RFTN1: variants seen among roughly 807,000 people sequenced by gnomAD.
The protein encoded by RFTN1 is raftlin, lipid raft linker 1.
Under a neutral mutation model 46.5 loss-of-function variants are expected in RFTN1, and 26 were observed. The ratio of observed to expected loss-of-function variants is 0.56; its 90% CI spans 0.41 to 0.78. RFTN1 has a LOEUF of 0.78. RFTN1 is among the 30% of genes least tolerant of loss of function. The probability of loss-of-function intolerance (pLI) is 0.00; values close to 1 mark genes in which losing one functional copy is unlikely to be tolerated. For synonymous variants in RFTN1, 261 were observed against 284.2 expected, an observed-to-expected ratio of 0.92 and a Z score of 0.82; for missense variants, 693 against 718.7, an observed-to-expected ratio of 0.96 and a Z score of 0.41.
At chr3:16,501,976 T>C (rs1045421458) in intron 1 of RFTN1, among the ~76,000 whole-genome samples, 3 of 152,240 alleles carry the variant, frequency 2.0e-5, no homozygotes, top group Non-Finnish European at 4.4e-5. Flanking sequence ...TGTATTTGTT[T>C]ATAAAATCCA....
chr3:16,414,309 AAG>A (rs1553588843), intron 3 of RFTN1, among the ~76,000 whole-genome samples: 2 of 149,490 alleles, frequency 1.3e-5, no homozygotes, highest in African/African-American at 5.1e-5. Flanking sequence ...AAAAAAAAAA[AAG>A]AAAGAAAGAA....
At chr3:16,454,111 A>G (rs529666341) in intron 2 of RFTN1, among the ~76,000 whole-genome samples, 2 of 152,342 alleles carry the variant, frequency 1.3e-5, no homozygotes, top group East Asian at 3.9e-4. Flanking sequence ...CTGCCACTGT[A>G]ACCAGGTCTC....
chr3:16,331,293 T>C (rs1007722043), intron 7 of RFTN1, among the ~76,000 whole-genome samples: 3 of 152,240 alleles, frequency 2.0e-5, no homozygotes, highest in Non-Finnish European at 2.9e-5. Context: ...ATTTTACTTA[T>C]CAGTTTTAGG....
At chr3:16,401,701 G>A (rs1361288168) in intron 4 of RFTN1, among the ~76,000 whole-genome samples, 7 of 152,208 alleles carry the variant, frequency 4.6e-5, no homozygotes, top group Non-Finnish European at 7.3e-5. Flanking sequence ...CACAGATAGC[G>A]TGAGACAAAC....
intron 5 of RFTN1, among the ~76,000 whole-genome samples, chr3:16,373,320 CCCT>C (rs1306115148): frequency 2.6e-5 from 4 of 152,208 alleles, no homozygotes; most frequent in Non-Finnish European, 5.9e-5. Context: ...TCATTTAGAT[CCCT>C]CCTGTTACAC....
chr3:16,330,602 T>C (rs1328842336), intron 7 of RFTN1, among the ~76,000 whole-genome samples: 1 of 152,226 alleles, frequency 6.6e-6, no homozygotes, highest in Non-Finnish European at 1.5e-5. Flanking sequence ...CTCTCCACTC[T>C]CCTGTGGTGG....
intron 3 of RFTN1, among the ~76,000 whole-genome samples, chr3:16,417,561 A>C (rs12492816): frequency 0.074 from 11,204 of 152,212 alleles, 541 homozygotes; most frequent in Middle Eastern, 0.14. Flanking sequence ...ACTCATACAC[A>C]AACATCAACT....
intron 1 of RFTN1, among the ~76,000 whole-genome samples, chr3:16,511,633 C>A (rs1174429876): frequency 6.6e-6 from 1 of 152,086 alleles, no homozygotes; most frequent in Non-Finnish European, 1.5e-5. Flanking sequence ...GCCATGGGAC[C>A]ACATAGTTTC....
At position 16,479,077 on chromosome 3, in the gene RFTN1, A is replaced by G. The variant is rs111557372; in HGVS notation, c.145+14648T>C. ...GATGTCCACCATGCTACTTGATATC[A>G]TAACACTAATGAGCAGGAAAGTTGA... is the stretch of plus-strand genomic sequence containing the variant. On this transcript the variant is annotated intron_variant, in intron 2 of 9. Transcript: ENST00000334133. The surrounding 1 kb of genome is among the most constrained non-coding windows in gnomAD (Gnocchi z 5.1). Among the ~76,000 whole-genome samples the G allele has an allele frequency of 6.6e-5, 10 of 152,312 alleles. No homozygotes were observed. The highest frequency in any genetic ancestry group is 2.2e-4 in the African/African-American group (9 of 41,558).
rs2075274228 is a variant in RFTN1, at chr3:16,425,621, G to A, written c.332+8230C>T. On this transcript the variant is annotated intron_variant, in intron 3 of 9. Transcript: ENST00000334133. This position sits in a 1 kb window ranked among gnomAD's most constrained non-coding sequence, Gnocchi z 4.3. ...CGGGGTAAAGGCCAATGCTTTGGAG[G>A]AAGAGAACAAGAGTAACTCGGCAAG... Among the ~76,000 whole-genome samples the A allele has an allele frequency of 2.6e-5, 4 of 152,290 alleles. No individual in the cohort carries two copies. Among genetic ancestry groups the A allele is most frequent in the Middle Eastern group, 3.4e-3 (1 of 294 alleles).
At chr3:16,331,659 T>C (rs1467391513) in intron 7 of RFTN1, among the ~76,000 whole-genome samples, 1 of 152,224 alleles carries the variant, frequency 6.6e-6, no homozygotes, top group Non-Finnish European at 1.5e-5. Context: ...GTTCCATTTT[T>C]CCCCACTGGA....
At chr3:16,415,275 C>T (rs1179274650) in intron 3 of RFTN1, among the ~76,000 whole-genome samples, 3 of 151,820 alleles carry the variant, frequency 2.0e-5, no homozygotes, top group Non-Finnish European at 2.9e-5. Flanking sequence ...GAATGGATGA[C>T]TTTGCCAGAA....
Position 16,345,203 on chromosome 3 carries a change from G to A in RFTN1, c.1146+12729C>T, listed in dbSNP as rs548187945. ...TGTTTTGAGACCCTAAGCAGCAGAC[G>A]ACCCAGTTCAGCCCACCTGGATTTC... On this transcript the variant is annotated intron_variant, in intron 7 of 9. Coordinates refer to ENST00000334133, the MANE Select transcript of RFTN1 (RefSeq NM_015150.2). This position sits in a 1 kb window ranked among gnomAD's most constrained non-coding sequence, Gnocchi z 5.2. The A allele has an allele frequency of 4.6e-5, 7 of 152,042 alleles. No homozygotes were observed. The highest frequency in any genetic ancestry group is 3.9e-4 in the East Asian group (2 of 5,186). 9.4% of individuals were successfully genotyped at this position (152,042 alleles called of 1,614,324 possible).
chr3:16,316,640 G>A lies in RFTN1; in HGVS notation c.*188C>T, dbSNP rs948508912. The A allele has an allele frequency of 7.3e-6, 5 of 686,398 alleles. No individual in the cohort carries two copies. In the African/African-American group the frequency reaches 8.9e-5, roughly 12 times the overall value. The allele number at this position is 686,398 out of a possible 1,614,324, so 42.5% of individuals were successfully genotyped here. ...GGTCATTAATGACACCTTTCCAGTG[G>A]ATGTGCAAAAACCAACACTGTCAGG... On this transcript the variant is annotated 3_prime_UTR_variant, in exon 10 of 10. Coordinates refer to ENST00000334133, the MANE Select transcript of RFTN1 (RefSeq NM_015150.2). This position sits in a 1 kb window ranked among gnomAD's most constrained non-coding sequence, Gnocchi z 4.5.
chr3:16,445,481 T>TCACACACACACACACACA (rs752631378), intron 2 of RFTN1, among the ~76,000 whole-genome samples: 1 of 54,960 alleles, frequency 1.8e-5, no homozygotes, highest in South Asian at 7.6e-4. Flanking sequence ...TCTCTCTCTC[T>TCACACACACACACACACA]CTCACACACA....
rs545307058 is a variant in RFTN1 at position 16,507,033 on chromosome 3, C to T, written c.-9+6409G>A. Among the ~76,000 whole-genome samples, 1 of 152,286 alleles carries T rather than the reference C, an allele frequency of 6.6e-6. No homozygotes were observed. The highest frequency in any genetic ancestry group is 2.4e-5 in the African/African-American group (1 of 41,558). On this transcript the variant is annotated intron_variant, in intron 1 of 9. Coordinates refer to ENST00000334133, the MANE Select transcript of RFTN1 (RefSeq NM_015150.2). This position sits in a 1 kb window ranked among gnomAD's most constrained non-coding sequence, Gnocchi z 7.1. The stretch of plus-strand genomic sequence containing the variant: ...CTGACTAGGTTCAAATCCTGCTGCC[C>T]TTATTTCCTACCTGTGTGACCTCAA...
chr3:16,398,738 G>C (rs1291308945), intron 4 of RFTN1, among the ~76,000 whole-genome samples: 4 of 152,166 alleles, frequency 2.6e-5, no homozygotes, highest in African/African-American at 9.7e-5. Flanking sequence ...GCAACAAGCG[G>C]AATGGAGACA....
At chr3:16,501,786 GT>G (rs1207686353) in intron 1 of RFTN1, among the ~76,000 whole-genome samples, 2 of 152,192 alleles carry the variant, frequency 1.3e-5, no homozygotes, top group Admixed American at 1.3e-4. Flanking sequence ...AAACTTAAAA[GT>G]TCAGTAGAGT....
At position 16,345,301 on chromosome 3, in the gene RFTN1, T is replaced by TGTGTGTGTGTGTGTGTGTGTGTGTGTGTG. The variant is rs1559842639; in HGVS notation, c.1146+12630_1146+12631insCACACACACACACACACACACACACACAC. On this transcript the variant is annotated intron_variant, in intron 7 of 9. Transcript: ENST00000334133. This position sits in a 1 kb window ranked among gnomAD's most constrained non-coding sequence, Gnocchi z 5.2. Reference sequence around the variant, plus strand: ...GTGTGTGTGTGTGTGTGTGTGTGTGTTTAAAGCTGTTATAGAATTATCTCC... The same window carrying TGTGTGTGTGTGTGTGTGTGTGTGTGTGTG: ...GTGTGTGTGTGTGTGTGTGTGTGTGTGTGTGTGTGTGTGTGTGTGTGTGTGTGTGTTAAAGCTGTTATAGAATTATCTCC... 7 of 146,420 alleles carry TGTGTGTGTGTGTGTGTGTGTGTGTGTGTG rather than the reference T, an allele frequency of 4.8e-5. No individual in the cohort carries two copies. Among genetic ancestry groups the TGTGTGTGTGTGTGTGTGTGTGTGTGTGTG allele is most frequent in the African/African-American group, 1.7e-4 (7 of 40,314 alleles). 9.1% of individuals were successfully genotyped at this position (146,420 alleles called of 1,614,324 possible).
Sources: gnomAD v4.1 joint callset for allele counts (sites outside exome capture counted in the v4.1 genomes callset) on GRCh38, gnomAD v4.1.1 for gene constraint, Gnocchi (gnomAD v3.1) non-coding constraint, MANE v1.5 for transcripts, NCBI Gene and HGNC (gene_info 2026-07-23, HGNC 2026-07-21) for gene names.